Variants in SERPINB5 observed in about 807,000 individuals in gnomAD.
The protein encoded by SERPINB5 is serpin family B member 5, also known as serpin B5.
A neutral mutation model predicts 32.2 loss-of-function variants in SERPINB5; 27 were observed. The ratio of observed to expected loss-of-function variants is 0.84; its 90% CI spans 0.62 to 1.16. SERPINB5 has a LOEUF of 1.16. Among genes scored for constraint, SERPINB5 ranks in the 50% most tolerant of loss-of-function variants. The probability of loss-of-function intolerance (pLI) is 0.00; values close to 1 mark genes in which losing one functional copy is unlikely to be tolerated. For missense variants in SERPINB5, 388 were observed against 436.3 expected, an observed-to-expected ratio of 0.89 and a Z score of 0.99; for synonymous variants, 154 against 157.4, an observed-to-expected ratio of 0.98 and a Z score of 0.16.
At chr18:63,503,309 C>A (rs1184818111) in intron 6 of SERPINB5, 21 bp from the exon 7 acceptor site, 7 of 1,592,366 alleles carry the variant, frequency 4.4e-6, no homozygotes, top group Non-Finnish European at 5.1e-6. Context: ...AAAATAATTT[C>A]TTTTCATTTT....
chr18:63,493,861 AAAAC>A (rs58878863), intron 5 of SERPINB5, among the ~76,000 whole-genome samples: 74,149 of 151,004 alleles, frequency 0.49, 19,950 homozygotes, highest in Non-Finnish European at 0.62. Context: ...CACCTCAAGA[AAAAC>A]AAACAAACAA....
Position 63,504,910 on chromosome 18 carries a change from C to G in SERPINB5, c.*1188C>G, listed in dbSNP as rs897267940. On this transcript the variant is annotated 3_prime_UTR_variant, in exon 7 of 7. Transcript: ENST00000382771. ...TTGTAAAGTTGGTTGGATAAGCTAT[C>G]CGTGTTGCAGGTTCATGGATTACTT... 1 of 152,062 alleles carries G rather than the reference C, an allele frequency of 6.6e-6. No homozygotes were observed. The highest frequency in any genetic ancestry group is 2.4e-5 in the African/African-American group (1 of 41,388). The allele number at this position is 152,062 out of a possible 1,614,324, so 9.4% of individuals were successfully genotyped here. A position where few individuals can be genotyped will look rare whatever the true frequency, so the allele number is the denominator to read the frequency against.
intron 6 of SERPINB5, among the ~76,000 whole-genome samples, chr18:63,501,505 C>T (rs7231664): frequency 0.4 from 60,705 of 151,864 alleles, 13,033 homozygotes; most frequent in Non-Finnish European, 0.49. Context: ...AATAAGCATA[C>T]GTGTGCATGT....
chr18:63,501,047 CT>C (rs1216958927), intron 6 of SERPINB5, among the ~76,000 whole-genome samples: 1 of 151,244 alleles, frequency 6.6e-6, no homozygotes, highest in Non-Finnish European at 1.5e-5. Flanking sequence ...ATTTATTTTT[CT>C]TTTTTTTAAT....
intron 2 of SERPINB5, 145 bp downstream of exon 2, chr18:63,484,741 C>CTTTTTTTTTTTTGTTT (rs1917178872): frequency 9.5e-6 from 1 of 105,684 alleles, no homozygotes; most frequent in Non-Finnish European, 1.7e-5. Context: ...CTCTCTTAAT[C>CTTTTTTTTTTTTGTTT]TTTTTTTTTT....
Position 63,504,196 on chromosome 18 carries a change from G to C in SERPINB5, c.*474G>C, listed in dbSNP as rs77230459. On this transcript the variant is annotated 3_prime_UTR_variant, in exon 7 of 7. Transcript: ENST00000382771. Reference sequence around the variant, plus strand: ...AACTGCCCTGGCTCCAGTGAAACTTGGGCACATGCTCAGGCTACTATAGGT... The same window carrying C: ...AACTGCCCTGGCTCCAGTGAAACTTCGGCACATGCTCAGGCTACTATAGGT... The C allele has an allele frequency of 4.7e-3, 770 of 164,286 alleles. 10 individuals carry two copies. The highest frequency in any genetic ancestry group is 0.027 in the Admixed American group (424 of 15,816). The allele number at this position is 164,286 out of a possible 1,614,324, so 10.2% of individuals were successfully genotyped here.
chr18:63,484,973 C>T (rs946537159), intron 2 of SERPINB5, among the ~76,000 whole-genome samples: 3 of 152,014 alleles, frequency 2.0e-5, no homozygotes, highest in Admixed American at 2.0e-4. Context: ...CTCCTGACTT[C>T]AGGTGATCCG....
rs115428629 is a variant in SERPINB5, at chr18:63,480,258, A to G, written c.-8+3213A>G. Among the ~76,000 whole-genome samples, 834 of 152,360 alleles carry G rather than the reference A, an allele frequency of 5.5e-3. 7 individuals are homozygous for G. Among genetic ancestry groups the G allele is most frequent in the African/African-American group, 0.019 (797 of 41,588 alleles). The stretch of plus-strand genomic sequence containing the variant: ...AATAAGTTCTTAAAACTGCATTTGT[A>G]TTACTGCTTGAACTTCCATCTATCT... On this transcript the variant is annotated intron_variant, in intron 1 of 6. Coordinates refer to ENST00000382771, the MANE Select transcript of SERPINB5 (RefSeq NM_002639.5).
chr18:63,486,339 A>G (rs1249650035), intron 2 of SERPINB5, among the ~76,000 whole-genome samples: 1 of 152,184 alleles, frequency 6.6e-6, no homozygotes, highest in Non-Finnish European at 1.5e-5. Flanking sequence ...CCCATCAGAA[A>G]TGACACATCT....
chr18:63,499,069 T>TATATATATATATATATATA, intron 5 of SERPINB5, 51 bp from the exon 6 acceptor site: 1 of 658,048 alleles, frequency 1.5e-6, no homozygotes, highest in South Asian at 3.0e-5. Flanking sequence ...ATATATATAT[T>TATATATATATATATATATA]TATGCATGTG....
rs538859512 is a variant in SERPINB5 at position 63,482,616 on chromosome 18, A to C, written c.-7-1806A>C. 4.6e-5 allele frequency among the ~76,000 whole-genome samples: 7 copies of C among 152,290 alleles called. No individual in the cohort carries two copies. In the South Asian group the frequency reaches 1.0e-3, roughly 23 times the overall value. Reference sequence around the variant, plus strand: ...ATTTACCTAATTGTCTTTGGAGTCGATCAGTAACTACCAGACTAAATAGGT... The same window carrying C: ...ATTTACCTAATTGTCTTTGGAGTCGCTCAGTAACTACCAGACTAAATAGGT... On this transcript the variant is annotated intron_variant, in intron 1 of 6. Coordinates refer to ENST00000382771, the MANE Select transcript of SERPINB5 (RefSeq NM_002639.5).
chr18:63,487,782 AAC>A (rs1917238735), intron 3 of SERPINB5, among the ~76,000 whole-genome samples: 1 of 152,216 alleles, frequency 6.6e-6, no homozygotes, highest in South Asian at 2.1e-4. Context: ...GTACTTCAGT[AAC>A]ACAGAGTTGA....
chr18:63,491,410 A>ACCCCC (rs1568110278), intron 4 of SERPINB5, among the ~76,000 whole-genome samples: 1 of 142,752 alleles, frequency 7.0e-6, no homozygotes. Flanking sequence ...CTCCCAAAAA[A>ACCCCC]AAAAAAAAAA....
intron 6 of SERPINB5, among the ~76,000 whole-genome samples, chr18:63,500,871 C>T (rs1909556417): frequency 6.6e-6 from 1 of 151,690 alleles, no homozygotes; most frequent in South Asian, 2.1e-4. Context: ...TAATTCCTGT[C>T]CTTCTTCTTC....
rs757540589 is a variant in SERPINB5 at position 63,503,587 on chromosome 18, G to A, written c.993G>A (p.Gly331=). Residue 331 remains glycine, a synonymous_variant, in exon 7 of 7, where the codon GGG becomes GGA. Coordinates refer to ENST00000382771, the MANE Select transcript of SERPINB5 (RefSeq NM_002639.5). Reference sequence around the variant, plus strand: ...GCTTAGAAATAACTGAAGATGGTGGGGATTCCATAGAGGTGCCAGGAGCAC... The same window carrying A: ...GCTTAGAAATAACTGAAGATGGTGGAGATTCCATAGAGGTGCCAGGAGCAC... ...KVCLEITEDG[G]DSIEVPGARI... 4 of 1,614,198 alleles carry A rather than the reference G, an allele frequency of 2.5e-6. No individual in the cohort carries two copies. Among genetic ancestry groups the A allele is most frequent in the Non-Finnish European group, 3.4e-6 (4 of 1,180,036 alleles).
At chr18:63,495,130 A>C (rs567323972) in intron 5 of SERPINB5, among the ~76,000 whole-genome samples, 1 of 152,314 alleles carries the variant, frequency 6.6e-6, no homozygotes, top group Non-Finnish European at 1.5e-5. Flanking sequence ...TCCTGAGTTT[A>C]GCTTCCCAAC....
At chr18:63,490,738 TACTA>T (rs1430888679) in intron 4 of SERPINB5, 1 of 152,210 alleles carries the variant, frequency 6.6e-6, no homozygotes, top group South Asian at 2.1e-4. Flanking sequence ...CACTGGTACT[TACTA>T]ACTGATATTT....
intron 6 of SERPINB5, among the ~76,000 whole-genome samples, 163 bp downstream of exon 6, chr18:63,499,450 CCTT>C (rs1909526346): frequency 6.6e-6 from 1 of 152,172 alleles, no homozygotes; most frequent in Admixed American, 6.5e-5. Context: ...GGCCTTTCCT[CCTT>C]AATATTAACA....
intron 4 of SERPINB5, among the ~76,000 whole-genome samples, chr18:63,491,740 G>C (rs887923584): frequency 2.0e-5 from 3 of 152,124 alleles, no homozygotes; most frequent in African/African-American, 7.2e-5. Context: ...CTCCCAAAGT[G>C]CTGGGATTAC....
Sources: allele counts gnomAD v4.1 joint callset (sites outside exome capture counted in the v4.1 genomes callset), GRCh38; gene constraint gnomAD v4.1.1; transcripts MANE v1.5; gene names NCBI Gene and HGNC (gene_info 2026-07-23, HGNC 2026-07-21).